Variants in SLC43A1 observed in about 807,000 individuals in gnomAD.
SLC43A1 encodes large neutral amino acids transporter small subunit 3.
A neutral mutation model predicts 59.5 loss-of-function variants in SLC43A1; 31 were observed. The ratio of observed to expected loss-of-function variants is 0.52; its 90% CI spans 0.39 to 0.70. The LOEUF is 0.70. Ranked by LOEUF, SLC43A1 falls within the 30% of genes least tolerant of loss-of-function variation. The pLI is 0.00. For synonymous variants in SLC43A1, 259 were observed against 290.9 expected (o/e 0.89, Z 1.12); for missense variants, 598 against 717.8 (o/e 0.83, Z 1.91).
chr11:57,495,635 A>G (rs920144177), intron 7 of SLC43A1, among the ~76,000 whole-genome samples: 4 of 152,066 alleles, frequency 2.6e-5, no homozygotes, highest in African/African-American at 9.7e-5. Context: ...AAACCAGCCT[A>G]GGTAACACAG....
intron 2 of SLC43A1, among the ~76,000 whole-genome samples, chr11:57,506,727 G>C (rs1305827610): frequency 1.3e-5 from 2 of 152,106 alleles, no homozygotes; most frequent in Admixed American, 1.3e-4. Flanking sequence ...GTGTGACCTT[G>C]CACAAGTTAC....
At chr11:57,508,321 A>G (rs1361808327) in intron 2 of SLC43A1, among the ~76,000 whole-genome samples, 1 of 152,142 alleles carries the variant, frequency 6.6e-6, no homozygotes, top group East Asian at 1.9e-4. Context: ...TTAAGCTTCA[A>G]TCACCCAACA....
intron 2 of SLC43A1, among the ~76,000 whole-genome samples, chr11:57,510,457 CAAAA>C (rs61412196): frequency 7.8e-5 from 2 of 25,762 alleles, no homozygotes; most frequent in Admixed American, 7.0e-4. Flanking sequence ...GACTCCATCT[CAAAA>C]AAAAAAAAAA....
Position 57,513,662 on chromosome 11 carries a change from G to A in SLC43A1, c.154+296C>T, listed in dbSNP as rs1004823060. 4.6e-5 allele frequency among the ~76,000 whole-genome samples: 7 copies of A among 152,270 alleles called. 1 individual carries two copies. The highest frequency in any genetic ancestry group is 3.9e-4 in the East Asian group (2 of 5,186). On this transcript the variant is annotated intron_variant, in intron 2 of 14. Coordinates refer to ENST00000278426, the MANE Select transcript of SLC43A1 (RefSeq NM_003627.6). ...TATTAAGAAATTCCTCTCCCAGCAC[G>A]TCTCCTTCAAAGAGCTCTAGACCTG...
chr11:57,505,318 C>G (rs757651983), intron 2 of SLC43A1, among the ~76,000 whole-genome samples: 20 of 152,202 alleles, frequency 1.3e-4, no homozygotes, highest in Admixed American at 2.6e-4. Flanking sequence ...TCAAGACCCA[C>G]CTGGCCAACA....
chr11:57,497,201 CTCAG>C (rs3051419), intron 6 of SLC43A1, among the ~76,000 whole-genome samples: 94,562 of 151,490 alleles, frequency 0.62, 30,666 homozygotes, highest in East Asian at 0.82. Flanking sequence ...CATGGCATGG[CTCAG>C]TCAAAGGGTC....
At chr11:57,495,874 A>G (rs1263633781) in intron 7 of SLC43A1, among the ~76,000 whole-genome samples, 157 bp downstream of exon 7, 1 of 152,188 alleles carries the variant, frequency 6.6e-6, no homozygotes, top group East Asian at 1.9e-4. Context: ...GAACAGGCTC[A>G]TAGTACAGAT....
intron 2 of SLC43A1, among the ~76,000 whole-genome samples, chr11:57,509,172 C>A (rs1177002180): frequency 6.6e-6 from 1 of 151,948 alleles, no homozygotes; most frequent in Non-Finnish European, 1.5e-5. Flanking sequence ...TCCCTAACAG[C>A]CAGATTTAGA....
In SLC43A1 at chr11:57,484,897, G is replaced by A. The variant is rs929397216; in HGVS notation, c.*199C>T. 18 of 559,372 alleles carry A rather than the reference G, an allele frequency of 3.2e-5. No individual in the cohort carries two copies. The highest frequency in any genetic ancestry group is 7.5e-5 in the Admixed American group (2 of 26,674). The allele number at this position is 559,372 out of a possible 1,614,324, so 34.7% of individuals were successfully genotyped here. A position where few individuals can be genotyped will look rare whatever the true frequency, so the allele number is the denominator to read the frequency against. ...ATAGGGACTGTCTTCAGTCAATGGA[G>A]CGTTGACTTAGGGGGCGTTTTTGAA... On this transcript the variant is annotated 3_prime_UTR_variant, in exon 15 of 15. Transcript: ENST00000278426.
chr11:57,503,990 G>A (rs1175066976), intron 2 of SLC43A1, among the ~76,000 whole-genome samples: 2 of 152,030 alleles, frequency 1.3e-5, no homozygotes, highest in African/African-American at 4.8e-5. Context: ...TCAGGAGATC[G>A]AGACCATCCT....
At chr11:57,489,198 C>T (rs1943829405) in intron 12 of SLC43A1, 53 bp downstream of exon 12, 1 of 1,606,464 alleles carries the variant, frequency 6.2e-7, no homozygotes, top group Admixed American at 1.7e-5. Flanking sequence ...GATGGACCAT[C>T]CCTTTGGAGG....
intron 12 of SLC43A1, 63 bp downstream of exon 12, chr11:57,489,188 G>C: frequency 6.3e-7 from 1 of 1,594,128 alleles, no homozygotes; most frequent in Non-Finnish European, 8.6e-7. Context: ...GCAGGTGCTG[G>C]ATGGACCATC....
At chr11:57,513,652 C>G (rs897200168) in intron 2 of SLC43A1, among the ~76,000 whole-genome samples, 2 of 152,222 alleles carry the variant, frequency 1.3e-5, no homozygotes, top group Non-Finnish European at 2.9e-5. Context: ...AGAAATTCCT[C>G]TCCCAGCACG....
chr11:57,495,455 C>T (rs1021494999), intron 7 of SLC43A1, among the ~76,000 whole-genome samples: 9 of 152,032 alleles, frequency 5.9e-5, no homozygotes, highest in Admixed American at 5.9e-4. Context: ...GAGACTCTGT[C>T]TCAAAAATAA....
rs1481641834 is a variant in SLC43A1, at chr11:57,490,362, T to C, written c.1193+862A>G. Reference sequence around the variant, plus strand: ...TGGTCTCCAGCCAACAAGACAGCCCTCAAGGATCCTGCCTCCTGGTATTCC... The same window carrying C: ...TGGTCTCCAGCCAACAAGACAGCCCCCAAGGATCCTGCCTCCTGGTATTCC... On this transcript the variant is annotated intron_variant, in intron 11 of 14. Coordinates refer to ENST00000278426, the MANE Select transcript of SLC43A1 (RefSeq NM_003627.6). Among the ~76,000 whole-genome samples the C allele has an allele frequency of 2.0e-5, 3 of 150,774 alleles. No individual in the cohort carries two copies. The East Asian group carries it at 5.9e-4, about 30-fold the overall frequency.
intron 8 of SLC43A1, 67 bp from the exon 9 acceptor site, chr11:57,491,929 A>G: frequency 6.6e-7 from 1 of 1,509,240 alleles, no homozygotes; most frequent in Non-Finnish European, 9.1e-7. Context: ...GTCCCAGCTC[A>G]TGCAGTTCTT....
chr11:57,495,903 G>A, intron 7 of SLC43A1, 128 bp downstream of exon 7: 1 of 1,028,584 alleles, frequency 9.7e-7, no homozygotes. Context: ...AGAGCTTGGA[G>A]GGCTCAAGCG....
intron 2 of SLC43A1, among the ~76,000 whole-genome samples, chr11:57,507,219 G>A (rs763303079): frequency 6.6e-6 from 1 of 152,172 alleles, no homozygotes; most frequent in Non-Finnish European, 1.5e-5. Context: ...TGTAATCCTA[G>A]CACTTTAGGA....
intron 6 of SLC43A1, 108 bp downstream of exon 6, chr11:57,497,645 G>A: frequency 4.1e-6 from 3 of 734,316 alleles, no homozygotes; most frequent in Non-Finnish European, 6.9e-6. Context: ...TGATGACAGA[G>A]AAAGGAGAGC....
Sources: gnomAD v4.1 joint callset for allele counts (sites outside exome capture counted in the v4.1 genomes callset) on GRCh38, gnomAD v4.1.1 for gene constraint, MANE v1.5 for transcripts, NCBI Gene and HGNC (gene_info 2026-07-23, HGNC 2026-07-21) for gene names.